Variants in MAP2 observed in about 807,000 individuals in gnomAD.
The protein encoded by MAP2 is microtubule-associated protein 2.
Under a neutral mutation model 137.6 loss-of-function variants are expected in MAP2, and 14 were observed. The ratio of observed to expected loss-of-function variants is 0.10; its 90% CI spans 0.07 to 0.16. The LOEUF (loss-of-function observed/expected upper bound fraction) is 0.16. Ranked by LOEUF, MAP2 falls within the 10% of genes least tolerant of loss-of-function variation. The pLI is 1.00. For synonymous variants in MAP2, 786 were observed against 782.3 expected (o/e 1.00, Z -0.08); for missense variants, 2,088 against 2,191.5 (o/e 0.95, Z 0.94).
chr2:209,679,866 G>C (rs1375634789), intron 6 of MAP2, among the ~76,000 whole-genome samples: 5 of 151,948 alleles, frequency 3.3e-5, no homozygotes, highest in African/African-American at 1.2e-4. Context: ...AGCCCATAGG[G>C]TAAGGAACTA....
At chr2:209,647,159 A>G (rs1229024094) in intron 4 of MAP2, among the ~76,000 whole-genome samples, 1 of 152,120 alleles carries the variant, frequency 6.6e-6, no homozygotes, top group Non-Finnish European at 1.5e-5. Context: ...AGAGCTCACT[A>G]TCATGAGGAC....
At chr2:209,545,775 G>A (rs905013301) in intron 2 of MAP2, among the ~76,000 whole-genome samples, 1 of 152,166 alleles carries the variant, frequency 6.6e-6, no homozygotes, top group African/African-American at 2.4e-5. Context: ...ATTATGGATT[G>A]AATGTGAGAA....
At chr2:209,559,673 A>G in intron 2 of MAP2, among the ~76,000 whole-genome samples, 1 of 151,730 alleles carries the variant, frequency 6.6e-6, no homozygotes, top group East Asian at 1.9e-4. Context: ...AGAAAAACCA[A>G]ATTTGGCCAC....
chr2:209,450,207 G>T (rs1439950734), intron 1 of MAP2, among the ~76,000 whole-genome samples: 1 of 152,144 alleles, frequency 6.6e-6, no homozygotes, highest in East Asian at 1.9e-4. Context: ...CTCCCAAAGT[G>T]CTGGGATTAT....
intron 1 of MAP2, among the ~76,000 whole-genome samples, chr2:209,434,841 A>ATGT (rs1559156886): frequency 1.6e-5 from 2 of 122,924 alleles, no homozygotes; most frequent in African/African-American, 6.9e-5. Flanking sequence ...CTCTATATAT[A>ATGT]TATATATGTT....
At chr2:209,458,576 G>A (rs1702064553) in intron 1 of MAP2, among the ~76,000 whole-genome samples, 2 of 152,086 alleles carry the variant, frequency 1.3e-5, no homozygotes, top group African/African-American at 2.4e-5. Context: ...TGCCTAAAGG[G>A]GATGGTCACT....
intron 5 of MAP2, among the ~76,000 whole-genome samples, chr2:209,669,250 A>G (rs1333533861): frequency 5.9e-5 from 9 of 152,092 alleles, no homozygotes; most frequent in Admixed American, 5.9e-4. Context: ...GTGAAATCTG[A>G]TTACGCAGAA....
At chr2:209,558,183 A>C (rs1234470077) in intron 2 of MAP2, among the ~76,000 whole-genome samples, 3 of 151,710 alleles carry the variant, frequency 2.0e-5, no homozygotes, top group African/African-American at 7.3e-5. Context: ...ACATATTCTT[A>C]TTTTATTTCT....
intron 2 of MAP2, among the ~76,000 whole-genome samples, chr2:209,524,631 TA>T (rs1559275744): frequency 6.6e-6 from 1 of 152,182 alleles, no homozygotes; most frequent in Admixed American, 6.6e-5. Context: ...CTTTCATTAT[TA>T]TATGTGTAAA....
intron 3 of MAP2, among the ~76,000 whole-genome samples, chr2:209,602,720 A>G (rs2083355656): frequency 6.6e-6 from 1 of 152,204 alleles, no homozygotes. Flanking sequence ...TGAGAACGCT[A>G]GCGGATTCTG....
chr2:209,481,856 C>T (rs1339138108), intron 1 of MAP2, among the ~76,000 whole-genome samples: 1 of 152,162 alleles, frequency 6.6e-6, no homozygotes, highest in Non-Finnish European at 1.5e-5. Flanking sequence ...TATTAGCTCA[C>T]CACGTAGCAT....
chr2:209,593,796 ATAT>A (rs1162606614), intron 3 of MAP2, among the ~76,000 whole-genome samples: 4 of 128 alleles, frequency 0.031, no homozygotes, highest in Non-Finnish European at 0.21. Flanking sequence ...ATTATATTAT[ATAT>A]AATATATAAT....
In MAP2 at chr2:209,693,459, G is replaced by T. The variant is rs1300177397; in HGVS notation, c.1289G>T (p.Gly430Val). ...CAAAGGGATACTTTCACCCCCAGTG[G>T]ACAGGAACCTATACTTACTGAAAAG... ...VQQRDTFTPS[G>V]QEPILTEKET... Residue 430 changes from glycine (G) to valine (V), a missense_variant, in exon 8 of 16, where the codon GGA (glycine) becomes GTA (valine). Around this residue, in one of 6 missense-constraint regions of MAP2, gnomAD observed 859 missense variants for 794.5 expected, o/e 1.08. Coordinates refer to ENST00000682079, the MANE Select transcript of MAP2 (RefSeq NM_001375505.1). 1.9e-6 allele frequency: 3 copies of T among 1,613,898 alleles called. No homozygotes were observed. The African/African-American group carries it at 4.0e-5, about 22-fold the overall frequency.
At chr2:209,722,764 G>C (rs745881374) in intron 13 of MAP2, among the ~76,000 whole-genome samples, 4 of 152,172 alleles carry the variant, frequency 2.6e-5, no homozygotes, top group Non-Finnish European at 5.9e-5. Context: ...TCTTCAAGAT[G>C]AATGTTTGAC....
At chr2:209,518,486 A>G (rs2062830379) in intron 2 of MAP2, among the ~76,000 whole-genome samples, 2 of 152,110 alleles carry the variant, frequency 1.3e-5, no homozygotes, top group Non-Finnish European at 2.9e-5. Context: ...AAGCACGCAT[A>G]AGGGAATGAG....
chr2:209,675,672 A>C (rs1366107585), intron 5 of MAP2, among the ~76,000 whole-genome samples: 1 of 151,860 alleles, frequency 6.6e-6, no homozygotes, highest in East Asian at 1.9e-4. Context: ...CATGGATATC[A>C]AAACTGTATC....
At chr2:209,718,741 G>A (rs954534433) in intron 13 of MAP2, among the ~76,000 whole-genome samples, 2 of 152,154 alleles carry the variant, frequency 1.3e-5, no homozygotes, top group African/African-American at 4.8e-5. Context: ...CTTCCTAAAT[G>A]TGTATTTAAA....
rs764316179 is a variant in MAP2, at chr2:209,729,982, G to A, written c.5268+20G>A. ...GTCAAGGTAAGAAACAAGGTTATGAGCCAATCTTGTCTTTTTAAAAAAAAT... is the reference window on the plus strand; with the variant it reads ...GTCAAGGTAAGAAACAAGGTTATGAACCAATCTTGTCTTTTTAAAAAAAAT... On this transcript the variant is annotated intron_variant, in intron 15 of 15. Transcript: ENST00000682079. 3 of 1,464,236 alleles carry A rather than the reference G, an allele frequency of 2.0e-6. No individual in the cohort carries two copies. Among genetic ancestry groups the A allele is most frequent in the Non-Finnish European group, 9.2e-7 (1 of 1,081,892 alleles). The allele number at this position is 1,464,236 out of a possible 1,614,324, so 90.7% of individuals were successfully genotyped here. A position where few individuals can be genotyped will look rare whatever the true frequency, so the allele number is the denominator to read the frequency against.
chr2:209,532,572 G>C (rs1455366939), intron 2 of MAP2, among the ~76,000 whole-genome samples: 1 of 152,184 alleles, frequency 6.6e-6, no homozygotes, highest in African/African-American at 2.4e-5. Flanking sequence ...CTGAAATCCA[G>C]TGCCTGCCCT....
Sources: allele counts gnomAD v4.1 joint callset (sites outside exome capture counted in the v4.1 genomes callset), GRCh38; gene constraint gnomAD v4.1.1; regional missense constraint gnomAD v4.1.1; transcripts MANE v1.5; gene names NCBI Gene and HGNC (gene_info 2026-07-23, HGNC 2026-07-21).